SEC24B: variants seen among roughly 807,000 people sequenced by gnomAD.
SEC24B encodes SEC24 homolog B, COPII component.
In SEC24B, 45 loss-of-function variants were observed where a neutral mutation model predicts 142.8. That is an observed-to-expected ratio of 0.32 (90% CI 0.25 to 0.40). The LOEUF (loss-of-function observed/expected upper bound fraction) is 0.40, where lower values mean the gene tolerates loss of function less well. Ranked by LOEUF, SEC24B falls within the 10% of genes least tolerant of loss-of-function variation. The pLI is 1.00. For synonymous variants in SEC24B, 574 were observed against 568.2 expected (o/e 1.01, Z -0.15); for missense variants, 1,409 against 1,526.8 (o/e 0.92, Z 1.29).
chr4:109,525,331 T>C lies in SEC24B; in HGVS notation c.2633-15T>C. The stretch of plus-strand genomic sequence containing the variant: ...TTATTTCTATAGCTAATACTTTTTG[T>C]ATTTCTCTCTAAAGCTTGCATGTCC... On this transcript the variant is annotated splice_polypyrimidine_tract_variant and intron_variant, in intron 15 of 23. Transcript: ENST00000265175. The C allele has an allele frequency of 6.4e-7, 1 of 1,561,704 alleles. No individual in the cohort carries two copies. The highest frequency in any genetic ancestry group is 8.6e-7 in the Non-Finnish European group (1 of 1,156,492).
intron 6 of SEC24B, among the ~76,000 whole-genome samples, chr4:109,497,631 A>G (rs1321389545): frequency 6.6e-6 from 1 of 150,580 alleles, no homozygotes; most frequent in Non-Finnish European, 1.5e-5. Context: ...CATTATGCTT[A>G]TTGTGTGATT....
chr4:109,450,976 A>G (rs1458409023), intron 1 of SEC24B: 2 of 152,034 alleles, frequency 1.3e-5, no homozygotes, highest in Non-Finnish European at 2.9e-5. Context: ...AATCAGCATA[A>G]CACATTACAG....
intron 3 of SEC24B, among the ~76,000 whole-genome samples, chr4:109,474,424 GT>G (rs71594186): frequency 0.05 from 6,501 of 130,034 alleles, 119 homozygotes; most frequent in African/African-American, 0.073. Flanking sequence ...TCTTCCTATT[GT>G]TTTTTTTTTT....
At chr4:109,479,637 G>A (rs1247125510) in intron 3 of SEC24B, among the ~76,000 whole-genome samples, 1 of 151,678 alleles carries the variant, frequency 6.6e-6, no homozygotes, top group Non-Finnish European at 1.5e-5. Flanking sequence ...GTCTCACTAT[G>A]TTGCCCAGGC....
intron 3 of SEC24B, among the ~76,000 whole-genome samples, chr4:109,478,062 AT>A (rs1186012650): frequency 6.6e-6 from 1 of 152,138 alleles, no homozygotes; most frequent in Non-Finnish European, 1.5e-5. Context: ...TGGGTGGATC[AT>A]TTGAGGTCAG....
At chr4:109,509,283 ACT>A (rs1277555756) in intron 7 of SEC24B, among the ~76,000 whole-genome samples, 2 of 151,850 alleles carry the variant, frequency 1.3e-5, no homozygotes, top group African/African-American at 4.8e-5. Flanking sequence ...GATATTAACG[ACT>A]CTTCATAAAA....
intron 1 of SEC24B, among the ~76,000 whole-genome samples, chr4:109,446,119 G>C (rs924259525): frequency 6.6e-6 from 1 of 152,152 alleles, no homozygotes; most frequent in African/African-American, 2.4e-5. Context: ...TGAATAATGG[G>C]TTCCCCAGCT....
intron 3 of SEC24B, among the ~76,000 whole-genome samples, chr4:109,476,912 C>T (rs1578844901): frequency 6.6e-6 from 1 of 151,762 alleles, no homozygotes; most frequent in African/African-American, 2.4e-5. Context: ...CCGAGGCGGG[C>T]GGATCACGAG....
chr4:109,485,251 A>G (rs973459976), intron 4 of SEC24B, among the ~76,000 whole-genome samples: 1 of 152,246 alleles, frequency 6.6e-6, no homozygotes, highest in African/African-American at 2.4e-5. Flanking sequence ...TCTTCTCAAC[A>G]ATTCTGCAAG....
At position 109,491,361 on chromosome 4, in the gene SEC24B, T is replaced by C; in HGVS notation, c.1200T>C (p.Ser400=). ...GCTCTTCTACCACAAGCAGTGCTTC[T>C]CCAATGCCCAACAGTTATGATGCCC... ...VDSSSTTSSA[S]PMPNSYDALE... Residue 400 remains serine (S), a synonymous_variant, in exon 5 of 24, where the codon TCT becomes TCC. Coordinates refer to ENST00000265175, the MANE Select transcript of SEC24B (RefSeq NM_006323.5). 1 of 1,613,814 alleles carries C rather than the reference T, an allele frequency of 6.2e-7. No individual in the cohort carries two copies. Among genetic ancestry groups the C allele is most frequent in the Non-Finnish European group, 8.5e-7 (1 of 1,179,734 alleles).
intron 3 of SEC24B, among the ~76,000 whole-genome samples, chr4:109,475,935 A>T (rs1733078135): frequency 6.6e-6 from 1 of 151,704 alleles, no homozygotes. Context: ...AAGTCTCTAA[A>T]TAGTATATTT....
intron 14 of SEC24B, among the ~76,000 whole-genome samples, chr4:109,523,493 A>G (rs1356943629): frequency 6.6e-6 from 1 of 152,082 alleles, no homozygotes; most frequent in Non-Finnish European, 1.5e-5. Context: ...AAACAATAAT[A>G]ATAATAACAA....
intron 1 of SEC24B, among the ~76,000 whole-genome samples, chr4:109,451,712 T>A (rs946949863): frequency 4.6e-5 from 7 of 152,328 alleles, no homozygotes; most frequent in African/African-American, 1.7e-4. Flanking sequence ...GGGTGTTGGA[T>A]ATGCTTATTA....
chr4:109,520,313 A>G, intron 11 of SEC24B, 53 bp from the exon 12 acceptor site: 1 of 1,041,176 alleles, frequency 9.6e-7, no homozygotes, highest in South Asian at 1.4e-5. Flanking sequence ...ATTTTCTGAA[A>G]TGAAATATGT....
chr4:109,527,246 A>T, intron 17 of SEC24B, 76 bp from the exon 18 acceptor site: 1 of 1,042,534 alleles, frequency 9.6e-7, no homozygotes, highest in Non-Finnish European at 1.4e-6. Context: ...AGAAAGAAAG[A>T]AAAAAAGTAT....
chr4:109,523,517 C>T (rs928734342), intron 14 of SEC24B, among the ~76,000 whole-genome samples: 6 of 151,864 alleles, frequency 4.0e-5, no homozygotes, highest in Non-Finnish European at 5.9e-5. Context: ...AAGGAATATA[C>T]GAAGCTGAAC....
chr4:109,515,425 G>A (rs1033805594), intron 10 of SEC24B, among the ~76,000 whole-genome samples: 3 of 152,028 alleles, frequency 2.0e-5, no homozygotes, highest in African/African-American at 7.2e-5. Context: ...TTTAAGAAAA[G>A]ATTTAATATA....
chr4:109,534,811 A>G (rs765462692), intron 22 of SEC24B, among the ~76,000 whole-genome samples: 51 of 152,158 alleles, frequency 3.4e-4, no homozygotes, highest in Non-Finnish European at 2.9e-4. Context: ...AGTAGCTGGG[A>G]CCACAGGAGT....
At chr4:109,439,960 A>T (rs938513512) in intron 1 of SEC24B, among the ~76,000 whole-genome samples, 2 of 151,656 alleles carry the variant, frequency 1.3e-5, no homozygotes, top group African/African-American at 4.8e-5. Flanking sequence ...TCTCTACTAA[A>T]AATACAAAAA....
Sources: allele counts gnomAD v4.1 joint callset (sites outside exome capture counted in the v4.1 genomes callset), GRCh38; gene constraint gnomAD v4.1.1; transcripts MANE v1.5; gene names NCBI Gene and HGNC (gene_info 2026-07-23, HGNC 2026-07-21).